QSOX2: variants seen among roughly 807,000 people sequenced by gnomAD.
The protein encoded by QSOX2 is quiescin sulfhydryl oxidase 2, also known as sulfhydryl oxidase 2.
A neutral mutation model predicts 61.7 loss-of-function variants in QSOX2; 46 were observed. That is an observed-to-expected ratio of 0.75 (90% CI 0.59 to 0.95). The LOEUF (loss-of-function observed/expected upper bound fraction) is 0.95. Among genes scored for constraint, QSOX2 ranks in the 40% least tolerant of loss-of-function variants. The pLI is 0.00. For missense variants in QSOX2, 879 were observed against 918.9 expected, an observed-to-expected ratio of 0.96 and a Z score of 0.56; for synonymous variants, 383 against 388.4, an observed-to-expected ratio of 0.99 and a Z score of 0.16.
At position 136,208,295 on chromosome 9, in the gene QSOX2, G is replaced by GGTGCAGGGAGGGCCAAGGTGGGGGA. The variant is rs1349765516; in HGVS notation, c.*432_*433insTCCCCCACCTTGGCCCTCCCTGCAC. On this transcript the variant is annotated 3_prime_UTR_variant, in exon 12 of 12. Transcript: ENST00000358701. ...GGGGAGGGGGAGCGAGGGGAGTGGGGGGGAGCCAGGAGCCGCGGGGGGGAT... is the reference window on the plus strand; with the variant it reads ...GGGGAGGGGGAGCGAGGGGAGTGGGGGTGCAGGGAGGGCCAAGGTGGGGGAGGGAGCCAGGAGCCGCGGGGGGGAT... The GGTGCAGGGAGGGCCAAGGTGGGGGA allele has an allele frequency of 7.5e-6, 1 of 133,560 alleles. No homozygotes were observed. Among genetic ancestry groups the GGTGCAGGGAGGGCCAAGGTGGGGGA allele is most frequent in the Non-Finnish European group, 1.6e-5 (1 of 61,846 alleles). 8.3% of individuals were successfully genotyped at this position (133,560 alleles called of 1,614,324 possible). A position where few individuals can be genotyped will look rare whatever the true frequency, so the allele number is the denominator to read the frequency against.
intron 2 of QSOX2, among the ~76,000 whole-genome samples, 189 bp from the exon 3 acceptor site, chr9:136,225,098 C>A (rs1218373916): frequency 6.6e-6 from 1 of 152,154 alleles, no homozygotes; most frequent in East Asian, 1.9e-4. Context: ...GTCAGATTTA[C>A]GAGGGGGCTA....
chr9:136,240,251 T>C (rs949537474), intron 1 of QSOX2, among the ~76,000 whole-genome samples: 9 of 152,254 alleles, frequency 5.9e-5, no homozygotes, highest in Admixed American at 3.9e-4. Flanking sequence ...TAAGCTTCTA[T>C]ATATAGTAGA....
In QSOX2 at chr9:136,225,821, C is replaced by T. The variant is rs547226411; in HGVS notation, c.430-912G>A. ...GCATCGTAGTGGATCTGGGCAATGTCCCATTAAGTAACAGAAAGAGGGCCC... is the reference window on the plus strand; with the variant it reads ...GCATCGTAGTGGATCTGGGCAATGTTCCATTAAGTAACAGAAAGAGGGCCC... On this transcript the variant is annotated intron_variant, in intron 2 of 11. Transcript: ENST00000358701. Among the ~76,000 whole-genome samples the T allele has an allele frequency of 5.3e-5, 8 of 152,380 alleles. No homozygotes were observed. In the South Asian group the frequency reaches 1.7e-3, roughly 32 times the overall value.
intron 10 of QSOX2, among the ~76,000 whole-genome samples, chr9:136,211,950 T>C (rs1831851986): frequency 6.6e-6 from 1 of 152,242 alleles, no homozygotes; most frequent in Non-Finnish European, 1.5e-5. Context: ...TTGAAAGCCC[T>C]GCAGGACACC....
At chr9:136,212,728 G>A (rs1052520251) in intron 10 of QSOX2, among the ~76,000 whole-genome samples, 1 of 152,222 alleles carries the variant, frequency 6.6e-6, no homozygotes, top group Non-Finnish European at 1.5e-5. Context: ...CCGCAGGCGC[G>A]GGGCCACCCT....
At position 136,219,052 on chromosome 9, in the gene QSOX2, C is replaced by T. The variant is rs781540198; in HGVS notation, c.934G>A (p.Val312Met). Residue 312 changes from valine to methionine, a missense_variant, in exon 7 of 12, where the codon GTG (valine) becomes ATG (methionine). Coordinates refer to ENST00000358701, the MANE Select transcript of QSOX2 (RefSeq NM_181701.4). ...KPHKEENSEI[V>M]VWREFDKSKL... Reference sequence around the variant, plus strand: ...TGCTTGTCAAATTCTCTCCAAACCACGATTTCTGAATTTTCTTCTTTGTGT... The same window carrying T: ...TGCTTGTCAAATTCTCTCCAAACCATGATTTCTGAATTTTCTTCTTTGTGT... 3.8e-5 allele frequency: 62 copies of T among 1,613,998 alleles called. No homozygotes were observed. The highest frequency in any genetic ancestry group is 5.0e-5 in the Non-Finnish European group (59 of 1,180,012).
At position 136,216,616 on chromosome 9, in the gene QSOX2, A is replaced by G; in HGVS notation, c.1193T>C (p.Val398Ala). The G allele has an allele frequency of 6.2e-7, 1 of 1,613,848 alleles. No homozygotes were observed. The highest frequency in any genetic ancestry group is 8.5e-7 in the Non-Finnish European group (1 of 1,179,934). Residue 398 changes from valine to alanine, a missense_variant, in exon 9 of 12, where the codon GTC becomes GCC. Val to Ala is a moderately conservative substitution (Grantham distance 64, BLOSUM62 0). Coordinates refer to ENST00000358701, the MANE Select transcript of QSOX2 (RefSeq NM_181701.4). ...RIPYNAVLDL[V>A]NNKMRISGIF... ...GGGGCTCACCCGCATCTTGTTGTTG[A>G]CCAGGTCAAGCACGGCGTTGTAGGG...
chr9:136,224,159 GT>G lies in QSOX2; in HGVS notation c.479-48del, dbSNP rs770162343. On this transcript the variant is annotated intron_variant, in intron 3 of 11. Transcript: ENST00000358701. The stretch of plus-strand genomic sequence containing the variant: ...CAGAGCTGTGTGTGCGGCTGTCCTC[GT>G]GGGGCAGGCATACACCCAGGGACAG... The G allele has an allele frequency of 2.7e-6, 4 of 1,482,410 alleles. No homozygotes were observed. The African/African-American group carries it at 4.1e-5, about 15-fold the overall frequency. 91.8% of individuals were successfully genotyped at this position (1,482,410 alleles called of 1,614,324 possible).
intron 1 of QSOX2, among the ~76,000 whole-genome samples, chr9:136,236,026 G>A (rs113731476): frequency 1.7e-4 from 26 of 152,202 alleles, no homozygotes; most frequent in African/African-American, 2.4e-4. Context: ...CTCTGGGTCC[G>A]AAGTCACTGG....
At chr9:136,220,193 G>A (rs879273832) in intron 6 of QSOX2, among the ~76,000 whole-genome samples, 2 of 151,994 alleles carry the variant, frequency 1.3e-5, no homozygotes, top group East Asian at 3.8e-4. Context: ...CACCACGCCC[G>A]GCTAATGTTT....
At chr9:136,231,497 T>C (rs1830329483) in intron 1 of QSOX2, among the ~76,000 whole-genome samples, 2 of 152,214 alleles carry the variant, frequency 1.3e-5, no homozygotes, top group South Asian at 4.1e-4. Context: ...CCAACATATT[T>C]CACACCGTCT....
intron 1 of QSOX2, among the ~76,000 whole-genome samples, chr9:136,227,198 C>G (rs564542333): frequency 6.6e-6 from 1 of 152,178 alleles, no homozygotes; most frequent in African/African-American, 2.4e-5. Flanking sequence ...GTAACAGACG[C>G]GGCTGTCAGC....
rs781939338 is a variant in QSOX2 at position 136,245,510 on chromosome 9, C to A, written c.294G>T (p.Ala98=). The part of the protein sequence containing the change: ...SSWCGHCIGY[A]PTWRALAGDV... ...CCCCAGCCAGGGCCCGCCAAGTGGG[C>A]GCGTAGCCGATGCAGTGGCCACACC... Residue 98 remains alanine (A), a synonymous_variant, in exon 1 of 12, where the codon GCG becomes GCT. Coordinates refer to ENST00000358701, the MANE Select transcript of QSOX2 (RefSeq NM_181701.4). The A allele has an allele frequency of 1.3e-6, 2 of 1,593,776 alleles. No homozygotes were observed. The highest frequency in any genetic ancestry group is 1.7e-6 in the Non-Finnish European group (2 of 1,177,386).
In QSOX2 at chr9:136,218,796, G is replaced by A; in HGVS notation, c.969C>T (p.Tyr323=). 6.2e-7 allele frequency: 1 copy of A among 1,613,426 alleles called. No homozygotes were observed. The highest frequency in any genetic ancestry group is 8.5e-7 in the Non-Finnish European group (1 of 1,179,956). Residue 323 remains tyrosine, a synonymous_variant, in exon 8 of 12, where the codon TAC becomes TAT. Coordinates refer to ENST00000358701, the MANE Select transcript of QSOX2 (RefSeq NM_181701.4). The part of the protein sequence containing the change: ...VWREFDKSKL[Y]TVDLESGLHY... ...GTAGCCCTGACTCCAGGTCCACCGT[G>A]TACAGCTTCGACCTAGGACGGGATA...
At chr9:136,234,087 C>A (rs1029405068) in intron 1 of QSOX2, among the ~76,000 whole-genome samples, 1 of 151,920 alleles carries the variant, frequency 6.6e-6, no homozygotes, top group Non-Finnish European at 1.5e-5. Context: ...GGGACAAAGG[C>A]CTTCACGAGG....
chr9:136,212,964 A>C (rs1474448240), intron 10 of QSOX2, among the ~76,000 whole-genome samples: 4 of 152,212 alleles, frequency 2.6e-5, no homozygotes, highest in Non-Finnish European at 5.9e-5. Context: ...TCTTGCTAGC[A>C]GTGTGCTTTG....
intron 9 of QSOX2, 140 bp from the exon 10 acceptor site, chr9:136,215,444 A>G (rs977104667): frequency 5.0e-6 from 4 of 802,580 alleles, no homozygotes; most frequent in Non-Finnish European, 5.8e-6. Flanking sequence ...CTGTACACAT[A>G]AGATCTGTGC....
At chr9:136,234,749 A>G (rs1924522) in intron 1 of QSOX2, among the ~76,000 whole-genome samples, 32,030 of 41,060 alleles carry the variant, frequency 0.78, 12,589 homozygotes, top group Admixed American at 0.81. Flanking sequence ...TGGTCTCCAC[A>G]AGGCCCCCCA....
chr9:136,221,934 A>C lies in QSOX2; in HGVS notation c.683T>G (p.Leu228Ter), dbSNP rs1318802777. 8 of 1,595,040 alleles carry C rather than the reference A, an allele frequency of 5.0e-6. No homozygotes were observed. The highest frequency in any genetic ancestry group is 6.8e-6 in the Non-Finnish European group (8 of 1,170,582). Residue 228 changes from leucine to a stop codon, truncating the protein, a stop_gained, in exon 6 of 12, where the codon TTA (leucine) becomes TGA (stop). Coordinates refer to ENST00000358701, the MANE Select transcript of QSOX2 (RefSeq NM_181701.4). LOFTEE classifies it high-confidence loss of function. The surrounding 1 kb of genome is among the most constrained non-coding windows in gnomAD (Gnocchi z 4.5). The part of the protein sequence containing the change: ...NSSYLGREVI[L>*]DLIPYESIVV... ...GATGCTTTCATACGGGATCAGGTCT[A>C]AGATCACCTGGGGGATGAGAACACA...
Sources: gnomAD v4.1 joint callset for allele counts (sites outside exome capture counted in the v4.1 genomes callset) on GRCh38, gnomAD v4.1.1 for gene constraint, Gnocchi (gnomAD v3.1) non-coding constraint, MANE v1.5 for transcripts, NCBI Gene and HGNC (gene_info 2026-07-23, HGNC 2026-07-21) for gene names.